Variants in SMYD3 observed in about 807,000 individuals in gnomAD.
SMYD3 encodes SET and MYND domain containing 3.
In SMYD3, 36 loss-of-function variants were observed where a neutral mutation model predicts 57.7. The observed-to-expected ratio is 0.62, with a 90% CI of 0.48 to 0.82. The LOEUF (loss-of-function observed/expected upper bound fraction) is 0.82, where lower values mean the gene tolerates loss of function less well. Ranked by LOEUF, SMYD3 falls within the 40% of genes least tolerant of loss-of-function variation. The pLI, the probability that SMYD3 is intolerant of heterozygous loss-of-function variation, is 0.00. For synonymous variants in SMYD3, 211 were observed against 195.0 expected, an observed-to-expected ratio of 1.08 and a Z score of -0.68; for missense variants, 515 against 538.8, an observed-to-expected ratio of 0.96 and a Z score of 0.44.
At chr1:245,991,023 A>G (rs2058803156) in intron 5 of SMYD3, among the ~76,000 whole-genome samples, 1 of 152,256 alleles carries the variant, frequency 6.6e-6, no homozygotes, top group Admixed American at 6.5e-5. Flanking sequence ...TCAATTAGAA[A>G]AAAGAAAATT....
chr1:246,284,956 G>C (rs2064530098), intron 5 of SMYD3, among the ~76,000 whole-genome samples: 1 of 130,600 alleles, frequency 7.7e-6, no homozygotes, highest in African/African-American at 3.0e-5. Context: ...ACTAGTAACT[G>C]CCTTTCCTTT....
intron 1 of SMYD3, among the ~76,000 whole-genome samples, chr1:246,493,177 G>A (rs1013397090): frequency 6.9e-6 from 1 of 145,160 alleles, no homozygotes; most frequent in Non-Finnish European, 1.5e-5. Context: ...AGGAGGAGGT[G>A]GCCAGGCACA....
chr1:246,496,693 T>A (rs1011034670), intron 1 of SMYD3, among the ~76,000 whole-genome samples: 2 of 152,018 alleles, frequency 1.3e-5, no homozygotes, highest in African/African-American at 4.8e-5. Flanking sequence ...CCGGGCATGG[T>A]GGTGCATGCC....
chr1:245,770,365 G>T (rs2148082544), intron 10 of SMYD3, among the ~76,000 whole-genome samples: 1 of 152,310 alleles, frequency 6.6e-6, no homozygotes, highest in Admixed American at 6.5e-5. Flanking sequence ...TGATAACAAG[G>T]AGCTCCAGTA....
intron 10 of SMYD3, among the ~76,000 whole-genome samples, chr1:245,808,189 G>C (rs184692790): frequency 2.1e-4 from 32 of 152,296 alleles, no homozygotes; most frequent in African/African-American, 7.0e-4. Flanking sequence ...ACATTAAGCA[G>C]ATAAACGCCC....
At chr1:246,182,759 C>G (rs967225328) in intron 5 of SMYD3, among the ~76,000 whole-genome samples, 48 of 152,136 alleles carry the variant, frequency 3.2e-4, no homozygotes, top group African/African-American at 1.2e-3. Context: ...CCATCTTATC[C>G]AGGAAGTAAG....
chr1:245,969,926 C>T (rs2058252422), intron 5 of SMYD3, among the ~76,000 whole-genome samples: 1 of 152,008 alleles, frequency 6.6e-6, no homozygotes, highest in Admixed American at 6.6e-5. Flanking sequence ...ATAAAAATGT[C>T]AATGTTGACT....
intron 1 of SMYD3, among the ~76,000 whole-genome samples, chr1:246,404,702 A>G (rs78072264): frequency 1.3e-5 from 2 of 152,016 alleles, no homozygotes; most frequent in Non-Finnish European, 1.5e-5. Flanking sequence ...TGTGCTCTCC[A>G]ATACTGGCCA....
chr1:246,458,674 G>C (rs1259159007), intron 1 of SMYD3, among the ~76,000 whole-genome samples: 1 of 115,262 alleles, frequency 8.7e-6, no homozygotes, highest in Non-Finnish European at 1.7e-5. Context: ...CATTATGTTA[G>C]CCAGGATGGT....
chr1:246,202,026 C>A lies in SMYD3; in HGVS notation c.531+125175G>T, dbSNP rs116189559. 1.8e-4 allele frequency among the ~76,000 whole-genome samples: 26 copies of A among 146,454 alleles called. No homozygotes were observed. The highest frequency in any genetic ancestry group is 1.4e-4 in the Non-Finnish European group (9 of 66,544). On this transcript the variant is annotated intron_variant, in intron 5 of 11. Transcript: ENST00000490107. The surrounding 1 kb of genome is among the most constrained non-coding windows in gnomAD (Gnocchi z 4.1). ...TCTGTCTCAATTTAAAAAAAAAAAA[C>A]AAAAAAAAGCCATTTTTAAATGATT...
chr1:246,440,062 G>A (rs1040740005), intron 1 of SMYD3, among the ~76,000 whole-genome samples: 4 of 152,138 alleles, frequency 2.6e-5, no homozygotes, highest in African/African-American at 9.7e-5. Flanking sequence ...AATCGGTTTC[G>A]TTAGAAGTCA....
intron 8 of SMYD3, among the ~76,000 whole-genome samples, chr1:245,870,267 G>A (rs111241564): frequency 2.6e-5 from 4 of 152,204 alleles, no homozygotes; most frequent in South Asian, 2.1e-4. Flanking sequence ...GATCAGATAC[G>A]TTCCCACCGC....
At chr1:245,957,836 C>T (rs2057892300) in intron 5 of SMYD3, among the ~76,000 whole-genome samples, 1 of 152,186 alleles carries the variant, frequency 6.6e-6, no homozygotes, top group Admixed American at 6.5e-5. Flanking sequence ...ATTATTTTCT[C>T]TATCAAGCCA....
chr1:245,930,164 A>G (rs1572718928), intron 5 of SMYD3: 2 of 22,074 alleles, frequency 9.1e-5, no homozygotes, highest in Non-Finnish European at 9.1e-4. Context: ...CTCCTGGGAG[A>G]AAAAAAAAAA....
intron 5 of SMYD3, among the ~76,000 whole-genome samples, chr1:246,105,281 G>A (rs776401717): frequency 2.6e-5 from 4 of 152,066 alleles, no homozygotes; most frequent in Non-Finnish European, 5.9e-5. Context: ...CCTGACTAAA[G>A]TTTAGAAAAG....
In SMYD3 at chr1:246,410,599, C is replaced by T. The variant is rs148958683; in HGVS notation, c.165-55505G>A. ...AGTATTTTATTGAGGATTTTTGCAT[C>T]GATGTTCATCAAGGATATTGGGTAA... On this transcript the variant is annotated intron_variant, in intron 1 of 11. Transcript: ENST00000490107. Among the ~76,000 whole-genome samples, 189 of 152,214 alleles carry T rather than the reference C, an allele frequency of 1.2e-3. 1 individual carries two copies. The highest frequency in any genetic ancestry group is 4.3e-3 in the African/African-American group (178 of 41,512).
chr1:245,813,302 C>G (rs769202905), intron 10 of SMYD3, among the ~76,000 whole-genome samples: 1 of 152,042 alleles, frequency 6.6e-6, no homozygotes, highest in African/African-American at 2.4e-5. Context: ...CATGAGCCAC[C>G]GCACCAGGCC....
chr1:246,260,004 A>T (rs1160197029), intron 5 of SMYD3, among the ~76,000 whole-genome samples: 1 of 152,142 alleles, frequency 6.6e-6, no homozygotes, highest in Non-Finnish European at 1.5e-5. Flanking sequence ...TCTCTGCATA[A>T]AAGGGGTAGG....
chr1:246,491,360 A>G (rs1021147041), intron 1 of SMYD3, among the ~76,000 whole-genome samples: 1 of 152,164 alleles, frequency 6.6e-6, no homozygotes, highest in Non-Finnish European at 1.5e-5. Context: ...CAACATGGCA[A>G]AACTCCGTCT....
Sources: allele counts gnomAD v4.1 joint callset (sites outside exome capture counted in the v4.1 genomes callset), GRCh38; gene constraint gnomAD v4.1.1; non-coding constraint Gnocchi (gnomAD v3.1); transcripts MANE v1.5; gene names NCBI Gene and HGNC (gene_info 2026-07-23, HGNC 2026-07-21).